The following MYOF variants were observed in gnomAD, a reference collection of about 807,000 sequenced individuals.
MYOF encodes the protein myoferlin.
A neutral mutation model predicts 284.2 loss-of-function variants in MYOF; 244 were observed. That is an observed-to-expected ratio of 0.86 (90% confidence interval 0.77 to 0.95). MYOF has a LOEUF of 0.95. MYOF is among the 40% of genes least tolerant of loss of function. The probability of loss-of-function intolerance (pLI) is 0.00; values close to 1 mark genes in which losing one functional copy is unlikely to be tolerated. For synonymous variants in MYOF, 904 were observed against 919.7 expected, an observed-to-expected ratio of 0.98 and a Z score of 0.31; for missense variants, 2,496 against 2,560.6, an observed-to-expected ratio of 0.97 and a Z score of 0.54.
intron 48 of MYOF, among the ~76,000 whole-genome samples, chr10:93,321,174 A>T (rs1176898534): frequency 6.6e-6 from 1 of 152,158 alleles, no homozygotes; most frequent in Admixed American, 6.5e-5. Flanking sequence ...ATTAACTTGC[A>T]CAAGGTCACA....
chr10:93,390,381 C>T (rs960912236), intron 17 of MYOF, among the ~76,000 whole-genome samples: 3 of 152,090 alleles, frequency 2.0e-5, no homozygotes, highest in South Asian at 2.1e-4. Context: ...AAAAAAGAAA[C>T]ATTTAAATGA....
chr10:93,403,494 C>T (rs1199713533), intron 9 of MYOF, among the ~76,000 whole-genome samples: 2 of 152,220 alleles, frequency 1.3e-5, no homozygotes, highest in African/African-American at 4.8e-5. Flanking sequence ...TGACCCAGAT[C>T]ATCCTCTAGG....
At chr10:93,345,192 C>T (rs1196974982) in intron 37 of MYOF, among the ~76,000 whole-genome samples, 1 of 152,162 alleles carries the variant, frequency 6.6e-6, no homozygotes, top group African/African-American at 2.4e-5. Flanking sequence ...TTTTTCGGTA[C>T]CCACCATGTG....
rs1302173813 is a variant in MYOF, at chr10:93,325,693, G to A, written c.5271+133C>T. The A allele has an allele frequency of 5.3e-5, 62 of 1,174,844 alleles. No homozygotes were observed. In the South Asian group the frequency reaches 6.5e-4, roughly 12 times the overall value. The allele number at this position is 1,174,844 out of a possible 1,614,324, so 72.8% of individuals were successfully genotyped here. ...CAAAAAAATTCCCTTTTGATATGAC[G>A]CTAATTTGAGTCTCATTTCTATTTC... is the stretch of plus-strand genomic sequence containing the variant. On this transcript the variant is annotated intron_variant, in intron 46 of 53. Coordinates refer to ENST00000359263, the MANE Select transcript of MYOF (RefSeq NM_013451.4).
At chr10:93,375,853 T>C (rs114370505) in intron 22 of MYOF, among the ~76,000 whole-genome samples, 2,367 of 152,220 alleles carry the variant, frequency 0.016, 55 homozygotes, top group African/African-American at 0.053. Context: ...CCCCCAAGGG[T>C]TCCTGAGAAT....
intron 1 of MYOF, among the ~76,000 whole-genome samples, chr10:93,463,859 T>G (rs2056942134): frequency 3.1e-5 from 2 of 64,452 alleles, no homozygotes; most frequent in South Asian, 1.8e-3. Flanking sequence ...AGCAAGACCC[T>G]GTCTCAAAAA....
At chr10:93,331,568 C>A (rs1843303202) in intron 43 of MYOF, among the ~76,000 whole-genome samples, 2 of 152,168 alleles carry the variant, frequency 1.3e-5, no homozygotes, top group Admixed American at 6.5e-5. Flanking sequence ...CCTTCCTGCC[C>A]TGCGTGCCTT....
intron 43 of MYOF, among the ~76,000 whole-genome samples, chr10:93,332,128 G>C (rs1437031039): frequency 6.6e-6 from 1 of 152,152 alleles, no homozygotes. Context: ...TCCCTGCCCT[G>C]AGCAGCTAAT....
At chr10:93,445,254 C>A (rs2056396993) in intron 3 of MYOF, among the ~76,000 whole-genome samples, 1 of 152,166 alleles carries the variant, frequency 6.6e-6, no homozygotes, top group Non-Finnish European at 1.5e-5. Context: ...TAACACACAC[C>A]TGCTGTGTGA....
At chr10:93,368,463 T>C (rs1032242501) in intron 25 of MYOF, among the ~76,000 whole-genome samples, 5 of 152,188 alleles carry the variant, frequency 3.3e-5, no homozygotes, top group Admixed American at 3.3e-4. Context: ...TGCAATAGAT[T>C]GTGAGATCCT....
chr10:93,477,534 T>C (rs2057291009), intron 1 of MYOF, among the ~76,000 whole-genome samples: 1 of 148,728 alleles, frequency 6.7e-6, no homozygotes, highest in Non-Finnish European at 1.5e-5. Context: ...CACACAAAGA[T>C]AGAAGCTGTG....
At chr10:93,478,492 C>A (rs2057315137) in intron 1 of MYOF, 1 of 155,962 alleles carries the variant, frequency 6.4e-6, no homozygotes, top group African/African-American at 2.4e-5. Context: ...CCCAGATCCT[C>A]CTAGTTCCTA....
At chr10:93,446,508 T>C (rs965994431) in intron 3 of MYOF, among the ~76,000 whole-genome samples, 2 of 151,650 alleles carry the variant, frequency 1.3e-5, no homozygotes, top group African/African-American at 2.4e-5. Context: ...TGGCAGAAGA[T>C]GCAGGGTGTG....
chr10:93,319,746 A>G, intron 49 of MYOF, 126 bp downstream of exon 49: 2 of 1,295,270 alleles, frequency 1.5e-6, no homozygotes, highest in South Asian at 1.4e-5. Context: ...CAGATTCCCC[A>G]TCTCTGCTGA....
rs567135866 is a variant in MYOF, at chr10:93,343,089, T to G, written c.4326+767A>C. 3.3e-5 allele frequency among the ~76,000 whole-genome samples: 5 copies of G among 152,328 alleles called. No individual in the cohort carries two copies. The South Asian group carries it at 6.2e-4, about 19-fold the overall frequency. On this transcript the variant is annotated intron_variant, in intron 38 of 53. Transcript: ENST00000359263. The stretch of plus-strand genomic sequence containing the variant: ...AGGCACTGTTTATGGACATAACATA[T>G]TAAAGTGCAATCATGTGCATTTTTG...
In MYOF at chr10:93,306,563, A is replaced by G. The variant is rs1842105469; in HGVS notation, c.*400T>C. ...TATTCTAACTGATTTTATAATGCAC[A>G]GCTCTTTCAGTTGATTACAAATATG... On this transcript the variant is annotated 3_prime_UTR_variant, in exon 54 of 54. Coordinates refer to ENST00000359263, the MANE Select transcript of MYOF (RefSeq NM_013451.4). 1 of 183,264 alleles carries G rather than the reference A, an allele frequency of 5.5e-6. No individual in the cohort carries two copies. The highest frequency in any genetic ancestry group is 2.4e-5 in the African/African-American group (1 of 42,202). 11.4% of individuals were successfully genotyped at this position (183,264 alleles called of 1,614,324 possible).
At chr10:93,447,591 C>T (rs1399944671) in intron 3 of MYOF, among the ~76,000 whole-genome samples, 2 of 152,024 alleles carry the variant, frequency 1.3e-5, no homozygotes, top group Non-Finnish European at 2.9e-5. Flanking sequence ...CTATTTAGAC[C>T]ACGGTATAAA....
rs536459993 is a variant in MYOF at position 93,359,694 on chromosome 10, G to A, written c.3120+139C>T. 1.9e-5 allele frequency: 21 copies of A among 1,079,670 alleles called. No homozygotes were observed. In the African/African-American group the frequency reaches 3.0e-4, roughly 15 times the overall value. The allele number at this position is 1,079,670 out of a possible 1,614,324, so 66.9% of individuals were successfully genotyped here. A position where few individuals can be genotyped will look rare whatever the true frequency, so the allele number is the denominator to read the frequency against. On this transcript the variant is annotated intron_variant, in intron 29 of 53. Coordinates refer to ENST00000359263, the MANE Select transcript of MYOF (RefSeq NM_013451.4). ...ATGATGATATTGCTGGCTGGGGTGGGCTCACTTTGAGAACCCTTGAGTGGA... is the reference window on the plus strand; with the variant it reads ...ATGATGATATTGCTGGCTGGGGTGGACTCACTTTGAGAACCCTTGAGTGGA...
In MYOF at chr10:93,351,241, C is replaced by A; in HGVS notation, c.3877G>T (p.Val1293Phe). The A allele has an allele frequency of 1.2e-6, 2 of 1,614,040 alleles. No individual in the cohort carries two copies. Among genetic ancestry groups the A allele is most frequent in the Non-Finnish European group, 1.7e-6 (2 of 1,180,002 alleles). Residue 1293 changes from valine (V) to phenylalanine (F), a missense_variant, in exon 35 of 54, where the codon GTC (valine) becomes TTC (phenylalanine). By Grantham distance (50) the Val-to-Phe change is conservative. Coordinates refer to ENST00000359263, the MANE Select transcript of MYOF (RefSeq NM_013451.4). ...PPQRAPNLYMVPQGIRPVVQL... is the reference protein window; with the variant it reads ...PPQRAPNLYMFPQGIRPVVQL... The stretch of plus-strand genomic sequence containing the variant: ...ACCACAGGCCTGATCCCCTGGGGGA[C>A]CATGTATAGATTTGGCGCCCTTTGA...
Sources: allele counts gnomAD v4.1 joint callset (sites outside exome capture counted in the v4.1 genomes callset), GRCh38; gene constraint gnomAD v4.1.1; transcripts MANE v1.5; gene names NCBI Gene and HGNC (gene_info 2026-07-23, HGNC 2026-07-21).